SEMA7A: variants seen among roughly 807,000 people sequenced by gnomAD.
SEMA7A encodes the protein semaphorin 7A (JohnMiltonHagen blood group).
SEMA7A carries 21 observed loss-of-function variants against 67.5 expected under a neutral mutation model. That is an observed-to-expected ratio of 0.31 (90% CI 0.22 to 0.45). The LOEUF is 0.45. Ranked by LOEUF, SEMA7A falls within the 20% of genes least tolerant of loss-of-function variation. SEMA7A has a pLI of 1.00. For missense variants in SEMA7A, 774 were observed against 908.6 expected (o/e 0.85, Z 1.90); for synonymous variants, 364 against 368.5 (o/e 0.99, Z 0.14).
At chr15:74,424,610 G>A (rs1434235258) in intron 1 of SEMA7A, among the ~76,000 whole-genome samples, 1 of 152,228 alleles carries the variant, frequency 6.6e-6, no homozygotes, top group East Asian at 1.9e-4. Context: ...ACCAGAAGAA[G>A]GTTTGGCTAT....
chr15:74,416,357 G>A (rs1007768081), intron 7 of SEMA7A, among the ~76,000 whole-genome samples: 9 of 151,476 alleles, frequency 5.9e-5, no homozygotes, highest in African/African-American at 1.9e-4. Flanking sequence ...TCATACACAC[G>A]CTCACACGCC....
At chr15:74,430,080 C>T (rs2061075075) in intron 1 of SEMA7A, among the ~76,000 whole-genome samples, 1 of 152,150 alleles carries the variant, frequency 6.6e-6, no homozygotes, top group Non-Finnish European at 1.5e-5. Context: ...CATCTTGTTC[C>T]TCATCACCAG....
intron 6 of SEMA7A, 117 bp from the exon 7 acceptor site, chr15:74,416,831 T>C: frequency 1.7e-6 from 2 of 1,168,754 alleles, no homozygotes; most frequent in South Asian, 1.4e-5. Flanking sequence ...AAATCAGATC[T>C]GGAATAGGAC....
Position 74,414,821 on chromosome 15 carries a change from G to A in SEMA7A, c.1095+17C>T. 1 of 1,613,912 alleles carries A rather than the reference G, an allele frequency of 6.2e-7. No individual in the cohort carries two copies. On this transcript the variant is annotated intron_variant, in intron 9 of 13. Coordinates refer to ENST00000261918, the MANE Select transcript of SEMA7A (RefSeq NM_003612.5). This position sits in a 1 kb window ranked among gnomAD's most constrained non-coding sequence, Gnocchi z 4.1. Reference sequence around the variant, plus strand: ...GAAGGAGGGCTGGGCCTGGGCCACGGCTGGTGTCACGCTCACCTTGCCAGG... The same window carrying A: ...GAAGGAGGGCTGGGCCTGGGCCACGACTGGTGTCACGCTCACCTTGCCAGG...
rs377099762 is a variant in SEMA7A, at chr15:74,411,547, C to A, written c.1577+9G>T. The A allele has an allele frequency of 6.5e-7, 1 of 1,550,044 alleles. No homozygotes were observed. Among genetic ancestry groups the A allele is most frequent in the Non-Finnish European group, 8.7e-7 (1 of 1,146,390 alleles). ...TTCTCCCAGGGACGAGGGATCCCGG[C>A]CAACGTACCGTTCGGAGCTGTAGAT... On this transcript the variant is annotated intron_variant, in intron 12 of 13. Coordinates refer to ENST00000261918, the MANE Select transcript of SEMA7A (RefSeq NM_003612.5). This position sits in a 1 kb window ranked among gnomAD's most constrained non-coding sequence, Gnocchi z 4.4.
intron 7 of SEMA7A, 136 bp downstream of exon 7, chr15:74,416,439 G>A: frequency 2.2e-6 from 2 of 901,562 alleles, no homozygotes; most frequent in Non-Finnish European, 3.4e-6. Context: ...ACACACAGCT[G>A]CTCCCACAGT....
rs769853759 is a variant in SEMA7A, at chr15:74,414,500, T to C, written c.1294+47A>G. 11 of 1,554,642 alleles carry C rather than the reference T, an allele frequency of 7.1e-6. No homozygotes were observed. The highest frequency in any genetic ancestry group is 3.4e-5 in the South Asian group (3 of 89,378). On this transcript the variant is annotated intron_variant, in intron 10 of 13. Coordinates refer to ENST00000261918, the MANE Select transcript of SEMA7A (RefSeq NM_003612.5). This position sits in a 1 kb window ranked among gnomAD's most constrained non-coding sequence, Gnocchi z 4.1. ...ACTACATTATTCCTTACACCTTTCA[T>C]GCCCGTTTTTACAAAGCAAACTGAG...
Position 74,411,250 on chromosome 15 carries a change from C to T in SEMA7A, c.1639+45G>A. The T allele has an allele frequency of 1.3e-6, 2 of 1,585,222 alleles. No individual in the cohort carries two copies. The highest frequency in any genetic ancestry group is 2.7e-5 in the African/African-American group (2 of 74,456). ...CCAGGACAATCAGGGCAGGGCAGTA[C>T]CCCACTCATTGGGCCACAGCCGCCA... On this transcript the variant is annotated intron_variant, in intron 13 of 13. Transcript: ENST00000261918. The surrounding 1 kb of genome is among the most constrained non-coding windows in gnomAD (Gnocchi z 4.4).
At chr15:74,420,014 C>G (rs1402989551) in intron 1 of SEMA7A, among the ~76,000 whole-genome samples, 1 of 152,186 alleles carries the variant, frequency 6.6e-6, no homozygotes, top group Non-Finnish European at 1.5e-5. Context: ...CTCTGACCAG[C>G]CTGGGCCTCA....
intron 1 of SEMA7A, among the ~76,000 whole-genome samples, chr15:74,428,081 C>T (rs906609532): frequency 6.6e-6 from 1 of 152,218 alleles, no homozygotes. Flanking sequence ...TAGCCCGAGC[C>T]GGGACACAGA....
chr15:74,420,907 C>T (rs1320099553), intron 1 of SEMA7A, among the ~76,000 whole-genome samples: 1 of 152,202 alleles, frequency 6.6e-6, no homozygotes, highest in African/African-American at 2.4e-5. Context: ...GATCCATAGT[C>T]CCTGGGAGTC....
intron 2 of SEMA7A, 91 bp from the exon 3 acceptor site, chr15:74,418,400 G>A: frequency 7.8e-7 from 1 of 1,275,000 alleles, no homozygotes; most frequent in Non-Finnish European, 1.1e-6. Context: ...AGCCCCAAAG[G>A]AAGCAACCAT....
chr15:74,432,134 A>G (rs903819209), intron 1 of SEMA7A, among the ~76,000 whole-genome samples: 4 of 152,062 alleles, frequency 2.6e-5, no homozygotes, highest in Non-Finnish European at 4.4e-5. Flanking sequence ...GGGACAGGCA[A>G]ACAGAGTCAA....
chr15:74,417,863 A>T lies in SEMA7A; in HGVS notation c.465+14T>A. 1 of 1,613,158 alleles carries T rather than the reference A, an allele frequency of 6.2e-7. No homozygotes were observed. The highest frequency in any genetic ancestry group is 8.5e-7 in the Non-Finnish European group (1 of 1,179,804). On this transcript the variant is annotated intron_variant, in intron 4 of 13. Coordinates refer to ENST00000261918, the MANE Select transcript of SEMA7A (RefSeq NM_003612.5). ...AGGTGAGCTGATCAGGCACATGGGG[A>T]GCAGCCTTCTCACCAGGTTCCAGCA...
At chr15:74,418,010 T>C in intron 3 of SEMA7A, 41 bp from the exon 4 acceptor site, 4 of 1,598,380 alleles carry the variant, frequency 2.5e-6, no homozygotes, top group Non-Finnish European at 2.6e-6. Context: ...AATTGGTTGC[T>C]GGAAGGCCCT....
At chr15:74,425,065 G>A (rs973882333) in intron 1 of SEMA7A, among the ~76,000 whole-genome samples, 1 of 152,192 alleles carries the variant, frequency 6.6e-6, no homozygotes, top group African/African-American at 2.4e-5. Context: ...TGAACCAGCA[G>A]GGGAGACTGA....
chr15:74,432,983 C>T (rs2061102601), intron 1 of SEMA7A, among the ~76,000 whole-genome samples: 1 of 152,168 alleles, frequency 6.6e-6, no homozygotes, highest in South Asian at 2.1e-4. Flanking sequence ...GCTGCACCCC[C>T]GCCCTAGATC....
Position 74,423,946 on chromosome 15 carries a change from C to A in SEMA7A, c.179-4994G>T, listed in dbSNP as rs574612475. The stretch of plus-strand genomic sequence containing the variant: ...AGGGTTAGGTTCTAGATTAGCTAGT[C>A]GCCTGGCAGGGGCAGAGCCTGTGTG... On this transcript the variant is annotated intron_variant, in intron 1 of 13. Coordinates refer to ENST00000261918, the MANE Select transcript of SEMA7A (RefSeq NM_003612.5). This position sits in a 1 kb window ranked among gnomAD's most constrained non-coding sequence, Gnocchi z 4.1. 1.3e-5 allele frequency among the ~76,000 whole-genome samples: 2 copies of A among 152,194 alleles called. No homozygotes were observed. Among genetic ancestry groups the A allele is most frequent in the Non-Finnish European group, 2.9e-5 (2 of 68,046 alleles).
Position 74,411,136 on chromosome 15 carries a change from G to A in SEMA7A, c.1640-151C>T, listed in dbSNP as rs1567069148. 5 of 1,346,476 alleles carry A rather than the reference G, an allele frequency of 3.7e-6. No individual in the cohort carries two copies. The highest frequency in any genetic ancestry group is 2.6e-5 in the Admixed American group (1 of 38,924). The allele number at this position is 1,346,476 out of a possible 1,614,324, so 83.4% of individuals were successfully genotyped here. A position where few individuals can be genotyped will look rare whatever the true frequency, so the allele number is the denominator to read the frequency against. The stretch of plus-strand genomic sequence containing the variant: ...GCGTCCTCCTTTTTTCTCCCGTCTC[G>A]CTCATCCCACCAAGAGGGCTCCCTC... On this transcript the variant is annotated intron_variant, in intron 13 of 13. Transcript: ENST00000261918. This position sits in a 1 kb window ranked among gnomAD's most constrained non-coding sequence, Gnocchi z 4.4.
Sources: gnomAD v4.1 joint callset for allele counts (sites outside exome capture counted in the v4.1 genomes callset) on GRCh38, gnomAD v4.1.1 for gene constraint, Gnocchi (gnomAD v3.1) non-coding constraint, MANE v1.5 for transcripts, NCBI Gene and HGNC (gene_info 2026-07-23, HGNC 2026-07-21) for gene names.